SLC1A1: variants seen among roughly 807,000 people sequenced by gnomAD.
SLC1A1 encodes the protein solute carrier family 1 member 1.
SLC1A1 carries 43 observed loss-of-function variants against 53.3 expected under a neutral mutation model. That is an observed-to-expected ratio of 0.81 (90% CI 0.63 to 1.04). The LOEUF (loss-of-function observed/expected upper bound fraction) is 1.04. Among genes scored for constraint, SLC1A1 ranks in the 50% least tolerant of loss-of-function variants. The pLI is 0.00. For missense variants in SLC1A1, 748 were observed against 664.9 expected, an observed-to-expected ratio of 1.12 and a Z score of -1.37; for synonymous variants, 307 against 243.2, an observed-to-expected ratio of 1.26 and a Z score of -2.44.
intron 2 of SLC1A1, among the ~76,000 whole-genome samples, chr9:4,558,457 AC>A (rs1421652996): frequency 6.6e-6 from 1 of 152,144 alleles, no homozygotes; most frequent in East Asian, 1.9e-4. Context: ...GGAAACAAAG[AC>A]CCGTGCTGAA....
chr9:4,531,253 C>T (rs1030751906), intron 1 of SLC1A1, among the ~76,000 whole-genome samples: 1 of 152,290 alleles, frequency 6.6e-6, no homozygotes, highest in East Asian at 1.9e-4. Flanking sequence ...CGAAGCAGGG[C>T]GAGGCATCGC....
At chr9:4,544,443 G>T in intron 1 of SLC1A1, 124 bp from the exon 2 acceptor site, 1 of 839,500 alleles carries the variant, frequency 1.2e-6, no homozygotes, top group Admixed American at 1.7e-5. Flanking sequence ...AGACTCATGG[G>T]AAATGATCTA....
At chr9:4,491,692 A>G (rs1820241900) in intron 1 of SLC1A1, among the ~76,000 whole-genome samples, 1 of 152,084 alleles carries the variant, frequency 6.6e-6, no homozygotes, top group Admixed American at 6.6e-5. Flanking sequence ...TTAGCGCCAT[A>G]TCTGTCGCCT....
At chr9:4,548,427 G>A (rs1008698845) in intron 2 of SLC1A1, among the ~76,000 whole-genome samples, 1 of 152,126 alleles carries the variant, frequency 6.6e-6, no homozygotes, top group African/African-American at 2.4e-5. Context: ...TAAATTAGAA[G>A]CAGAAACACA....
chr9:4,576,838 C>G, intron 10 of SLC1A1, 75 bp downstream of exon 10: 1 of 1,330,290 alleles, frequency 7.5e-7, no homozygotes, highest in Non-Finnish European at 1.1e-6. Flanking sequence ...CATGAAGGGA[C>G]ACCAAGAATG....
At position 4,571,559 on chromosome 9, in the gene SLC1A1, C is replaced by T. The variant is rs1313089477; in HGVS notation, c.583-645C>T. Among the ~76,000 whole-genome samples the T allele has an allele frequency of 4.6e-5, 7 of 152,098 alleles. No individual in the cohort carries two copies. In the South Asian group the frequency reaches 1.5e-3, roughly 32 times the overall value. On this transcript the variant is annotated intron_variant, in intron 6 of 11. Coordinates refer to ENST00000262352, the MANE Select transcript of SLC1A1 (RefSeq NM_004170.6). The stretch of plus-strand genomic sequence containing the variant: ...GGGTGTGGGGGCGGATGCCTGTAAT[C>T]CCAGCTACTAGGGAGGCTGAGGCAG...
intron 10 of SLC1A1, among the ~76,000 whole-genome samples, chr9:4,580,770 G>T (rs1192901750): frequency 6.6e-6 from 1 of 152,010 alleles, no homozygotes; most frequent in African/African-American, 2.4e-5. Flanking sequence ...TGTTGTTTTG[G>T]TTGCTGCAGT....
Position 4,490,513 on chromosome 9 carries a change from C to T in SLC1A1, c.-167C>T, listed in dbSNP as rs12000219. 75 of 418,688 alleles carry T rather than the reference C, an allele frequency of 1.8e-4. 1 individual carries two copies. Among genetic ancestry groups the T allele is most frequent in the African/African-American group, 1.4e-3 (65 of 47,464 alleles). The allele number at this position is 418,688 out of a possible 1,614,324, so 25.9% of individuals were successfully genotyped here. On this transcript the variant is annotated 5_prime_UTR_variant, in exon 1 of 12. Transcript: ENST00000262352. Reference sequence around the variant, plus strand: ...GGGCGGCGGGCGCGGTGCGCGATCCCGGGTGGCGGCGGCAACGGCGGTGGT... The same window carrying T: ...GGGCGGCGGGCGCGGTGCGCGATCCTGGGTGGCGGCGGCAACGGCGGTGGT...
chr9:4,513,929 A>C (rs1202386416), intron 1 of SLC1A1, among the ~76,000 whole-genome samples: 6 of 152,182 alleles, frequency 3.9e-5, no homozygotes, highest in Non-Finnish European at 7.3e-5. Context: ...TCAGTGAAAA[A>C]ACCAGTCTCA....
chr9:4,515,460 C>T (rs1321010612), intron 1 of SLC1A1, among the ~76,000 whole-genome samples: 1 of 152,116 alleles, frequency 6.6e-6, no homozygotes, highest in Non-Finnish European at 1.5e-5. Context: ...GGTAGAGTCC[C>T]AGCAGGTAAT....
At chr9:4,496,925 G>A (rs1383265251) in intron 1 of SLC1A1, among the ~76,000 whole-genome samples, 1 of 152,058 alleles carries the variant, frequency 6.6e-6, no homozygotes, top group African/African-American at 2.4e-5. Flanking sequence ...AAATGCAGAA[G>A]AGAGAGAAAA....
intron 1 of SLC1A1, among the ~76,000 whole-genome samples, chr9:4,527,154 C>T (rs982401653): frequency 6.6e-6 from 1 of 152,092 alleles, no homozygotes; most frequent in African/African-American, 2.4e-5. Context: ...CTGTTGACAG[C>T]CAGTAAGAAA....
At chr9:4,554,353 G>C (rs1586771965) in intron 2 of SLC1A1, 1 of 152,226 alleles carries the variant, frequency 6.6e-6, no homozygotes, top group Admixed American at 6.5e-5. Context: ...TGAACAAGCA[G>C]ATAGCTAGGT....
intron 1 of SLC1A1, among the ~76,000 whole-genome samples, chr9:4,518,571 T>C (rs1815948471): frequency 6.6e-6 from 1 of 152,310 alleles, no homozygotes; most frequent in South Asian, 2.1e-4. Flanking sequence ...TCTCCCTCTG[T>C]AGACATCTTT....
chr9:4,512,733 T>G (rs1024976825), intron 1 of SLC1A1, among the ~76,000 whole-genome samples: 7 of 152,084 alleles, frequency 4.6e-5, no homozygotes, highest in African/African-American at 9.7e-5. Flanking sequence ...ATTCCAGAAA[T>G]AGACCCATAG....
intron 2 of SLC1A1, among the ~76,000 whole-genome samples, chr9:4,552,534 G>A (rs562868185): frequency 6.6e-6 from 1 of 152,262 alleles, no homozygotes; most frequent in Admixed American, 6.5e-5. Context: ...GGCCTCGTGT[G>A]CCTTGCCAAG....
chr9:4,584,996 C>T (rs1186350395), intron 11 of SLC1A1, among the ~76,000 whole-genome samples: 2 of 152,156 alleles, frequency 1.3e-5, no homozygotes, highest in Non-Finnish European at 2.9e-5. Flanking sequence ...GAGGTTAGGG[C>T]TGAAAAACTT....
intron 1 of SLC1A1, among the ~76,000 whole-genome samples, chr9:4,499,234 A>ATC (rs1191723168): frequency 1.3e-5 from 2 of 151,564 alleles, no homozygotes; most frequent in Non-Finnish European, 2.9e-5. Context: ...TAGTAGAGAC[A>ATC]AAGTTTCACC....
At chr9:4,571,820 C>T (rs61340640) in intron 6 of SLC1A1, among the ~76,000 whole-genome samples, 7,392 of 152,130 alleles carry the variant, frequency 0.049, 594 homozygotes, top group African/African-American at 0.17. Flanking sequence ...GTATTCTGTA[C>T]TTCCTGCATT....
Sources: allele counts gnomAD v4.1 joint callset (sites outside exome capture counted in the v4.1 genomes callset), GRCh38; gene constraint gnomAD v4.1.1; transcripts MANE v1.5; gene names NCBI Gene and HGNC (gene_info 2026-07-23, HGNC 2026-07-21).